Variants in RBM26 observed in about 807,000 individuals in gnomAD.
RBM26 encodes RNA-binding protein 26.
Under a neutral mutation model 123.6 loss-of-function variants are expected in RBM26, and 30 were observed. The ratio of observed to expected loss-of-function variants is 0.24; its 90% CI spans 0.18 to 0.33. RBM26 has a LOEUF of 0.33. Ranked by LOEUF, RBM26 falls within the 10% of genes least tolerant of loss-of-function variation. The probability of loss-of-function intolerance (pLI) is 1.00; values close to 1 mark genes in which losing one functional copy is unlikely to be tolerated. For missense variants in RBM26, 947 were observed against 1,203.6 expected, an observed-to-expected ratio of 0.79 and a Z score of 3.15; for synonymous variants, 400 against 404.4, an observed-to-expected ratio of 0.99 and a Z score of 0.13.
At chr13:79,347,026 T>A (rs1469694641) in intron 14 of RBM26, among the ~76,000 whole-genome samples, 2 of 152,220 alleles carry the variant, frequency 1.3e-5, no homozygotes, top group African/African-American at 4.8e-5. Context: ...AACAAACCCA[T>A]ATAATTTATT....
chr13:79,369,507 G>C (rs1177315082), intron 5 of RBM26, among the ~76,000 whole-genome samples: 1 of 152,148 alleles, frequency 6.6e-6, no homozygotes, highest in African/African-American at 2.4e-5. Context: ...GATTAGTTAA[G>C]TGAAGTAACA....
At chr13:79,397,596 C>T (rs984315330) in intron 1 of RBM26, among the ~76,000 whole-genome samples, 5 of 139,882 alleles carry the variant, frequency 3.6e-5, no homozygotes, top group South Asian at 2.4e-4. Context: ...GCAGGAGAAT[C>T]GCGTGAACCC....
chr13:79,361,728 A>C (rs2074708401), intron 9 of RBM26, among the ~76,000 whole-genome samples: 1 of 152,040 alleles, frequency 6.6e-6, no homozygotes, highest in Non-Finnish European at 1.5e-5. Flanking sequence ...TTCATTTCTA[A>C]GTTTTCTATA....
At position 79,346,952 on chromosome 13, in the gene RBM26, C is replaced by T. The variant is rs150072961; in HGVS notation, c.2059-2158G>A. Among the ~76,000 whole-genome samples, 981 of 152,256 alleles carry T rather than the reference C, an allele frequency of 6.4e-3. 10 individuals are homozygous for T. The highest frequency in any genetic ancestry group is 0.022 in the African/African-American group (925 of 41,544). On this transcript the variant is annotated intron_variant, in intron 14 of 21. Transcript: ENST00000438737. ...TATTTAAGTGTGAAACAATGAATAT[C>T]GTAACCCAATTTTCCAGTTTTTAAT...
intron 7 of RBM26, 69 bp downstream of exon 7, chr13:79,366,564 A>G: frequency 7.0e-7 from 1 of 1,419,088 alleles, no homozygotes; most frequent in Non-Finnish European, 9.5e-7. Flanking sequence ...TAATTTAAGA[A>G]TCTATTAAGT....
In RBM26 at chr13:79,368,897, G is replaced by T; in HGVS notation, c.728C>A (p.Ser243Tyr). The T allele has an allele frequency of 6.2e-7, 1 of 1,612,952 alleles. No homozygotes were observed. Among genetic ancestry groups the T allele is most frequent in the Non-Finnish European group, 8.5e-7 (1 of 1,178,984 alleles). Residue 243 changes from serine to tyrosine, a missense_variant, in exon 6 of 22, where the codon TCT (serine) becomes TAT (tyrosine). Coordinates refer to ENST00000438737, the MANE Select transcript of RBM26 (RefSeq NM_001366735.2). ...CAAAGTAGGTACAGGGTAGTGGCCAGATGAAATACTAGGTACCGAAGAGAC... is the reference window on the plus strand; with the variant it reads ...CAAAGTAGGTACAGGGTAGTGGCCATATGAAATACTAGGTACCGAAGAGAC... The part of the protein sequence containing the change: ...TPVSSVPSIS[S>Y]GHYPVPTLSS...
chr13:79,356,385 C>CAA (rs1290686538), intron 11 of RBM26, among the ~76,000 whole-genome samples: 1 of 12,390 alleles, frequency 8.1e-5, no homozygotes, highest in South Asian at 3.0e-3. Context: ...AAAAAAAAAA[C>CAA]AAACAAAAAA....
intron 1 of RBM26, among the ~76,000 whole-genome samples, chr13:79,393,897 T>C (rs2078319330): frequency 6.6e-6 from 1 of 152,204 alleles, no homozygotes; most frequent in South Asian, 2.1e-4. Flanking sequence ...CTGCACTGCC[T>C]ATTCTTTTTG....
intron 1 of RBM26, among the ~76,000 whole-genome samples, chr13:79,387,251 C>T (rs997652861): frequency 2.0e-5 from 3 of 151,072 alleles, no homozygotes; most frequent in Non-Finnish European, 4.4e-5. Context: ...CTGCCAAGCA[C>T]CCTAACAATC....
At chr13:79,322,870 G>T (rs189019430) in intron 20 of RBM26, among the ~76,000 whole-genome samples, 1 of 151,212 alleles carries the variant, frequency 6.6e-6, no homozygotes, top group Non-Finnish European at 1.5e-5. Flanking sequence ...TCTAAATTAG[G>T]ATCAATATGC....
chr13:79,386,083 A>T (rs1414390362), intron 1 of RBM26, among the ~76,000 whole-genome samples: 2 of 142,758 alleles, frequency 1.4e-5, no homozygotes, highest in African/African-American at 3.0e-5. Flanking sequence ...ATTAAATACC[A>T]TATTTTTAAA....
chr13:79,393,586 A>G (rs1490022931), intron 1 of RBM26, among the ~76,000 whole-genome samples: 1 of 152,194 alleles, frequency 6.6e-6, no homozygotes, highest in African/African-American at 2.4e-5. Context: ...TGTACACAGT[A>G]CCATCTTCGG....
chr13:79,372,839 AT>A lies in RBM26; in HGVS notation c.328-910del, dbSNP rs2076077573. 2.6e-5 allele frequency among the ~76,000 whole-genome samples: 3 copies of A among 113,490 alleles called. 1 individual carries two copies. The highest frequency in any genetic ancestry group is 1.2e-4 in the African/African-American group (3 of 25,772). The allele number at this position is 113,490 out of a possible 152,430, so 74.5% of individuals were successfully genotyped here. ...TTTATAATAAATATTTTATATAAAT[AT>A]ATTATATATTATATAAATATAAATA... On this transcript the variant is annotated intron_variant, in intron 3 of 21. Transcript: ENST00000438737.
rs931396569 is a variant in RBM26 at position 79,387,227 on chromosome 13, C to G, written c.72-8320G>C. ...CAAATAAATATAATTACAAATAAGA[C>G]ACACTTTATTAACCTGCCAAGCACC... On this transcript the variant is annotated intron_variant, in intron 1 of 21. Transcript: ENST00000438737. Among the ~76,000 whole-genome samples the G allele has an allele frequency of 5.9e-5, 9 of 152,064 alleles. No individual in the cohort carries two copies. The East Asian group carries it at 7.7e-4, about 13-fold the overall frequency.
At chr13:79,395,399 A>G (rs572719658) in intron 1 of RBM26, among the ~76,000 whole-genome samples, 27 of 152,306 alleles carry the variant, frequency 1.8e-4, no homozygotes, top group Non-Finnish European at 3.5e-4. Context: ...AAAAATCTGA[A>G]TCAGAAATAA....
At chr13:79,339,087 A>G (rs1054720907) in intron 18 of RBM26, among the ~76,000 whole-genome samples, 1 of 152,204 alleles carries the variant, frequency 6.6e-6, no homozygotes, top group Admixed American at 6.5e-5. Context: ...GCATCTCAAG[A>G]CAGTTAATCT....
Position 79,319,489 on chromosome 13 carries a change from C to T in RBM26, c.*1132G>A. 2.0e-6 allele frequency: 2 copies of T among 984,154 alleles called. No individual in the cohort carries two copies. The highest frequency in any genetic ancestry group is 2.4e-6 in the Non-Finnish European group (2 of 829,062). The allele number at this position is 984,154 out of a possible 1,614,324, so 61.0% of individuals were successfully genotyped here. A position where few individuals can be genotyped will look rare whatever the true frequency, so the allele number is the denominator to read the frequency against. On this transcript the variant is annotated 3_prime_UTR_variant, in exon 22 of 22. Transcript: ENST00000438737. ...GTTGCAAACATCAAAGATTTTTATACAAGTATAGGAAGTACACACTTAAAA... is the reference window on the plus strand; with the variant it reads ...GTTGCAAACATCAAAGATTTTTATATAAGTATAGGAAGTACACACTTAAAA...
intron 12 of RBM26, 140 bp from the exon 13 acceptor site, chr13:79,354,710 AT>A: frequency 1.6e-6 from 1 of 643,648 alleles, no homozygotes; most frequent in South Asian, 3.8e-5. Context: ...CTGCCTTCTA[AT>A]TTCATCCACA....
At chr13:79,367,282 C>T (rs2075354306) in intron 6 of RBM26, among the ~76,000 whole-genome samples, 1 of 151,554 alleles carries the variant, frequency 6.6e-6, no homozygotes, top group Admixed American at 6.6e-5. Flanking sequence ...TGGCTGGCGC[C>T]CATAAGCCCA....
Sources: allele counts gnomAD v4.1 joint callset (sites outside exome capture counted in the v4.1 genomes callset), GRCh38; gene constraint gnomAD v4.1.1; transcripts MANE v1.5; gene names NCBI Gene and HGNC (gene_info 2026-07-23, HGNC 2026-07-21).